The following SGMS1 variants were observed in gnomAD, a reference collection of about 807,000 sequenced individuals.
SGMS1 encodes the protein phosphatidylcholine:ceramide cholinephosphotransferase 1.
Under a neutral mutation model 46.2 loss-of-function variants are expected in SGMS1, and 13 were observed. The ratio of observed to expected loss-of-function variants is 0.28; its 90% CI spans 0.18 to 0.45. SGMS1 has a LOEUF of 0.45. SGMS1 is among the 20% of genes least tolerant of loss of function. SGMS1 has a pLI of 1.00. For missense variants in SGMS1, 324 were observed against 519.9 expected, an observed-to-expected ratio of 0.62 and a Z score of 3.66; for synonymous variants, 203 against 187.8, an observed-to-expected ratio of 1.08 and a Z score of -0.66.
At chr10:50,532,129 A>G (rs979092768) in intron 2 of SGMS1, among the ~76,000 whole-genome samples, 3 of 151,936 alleles carry the variant, frequency 2.0e-5, no homozygotes, top group African/African-American at 4.8e-5. Flanking sequence ...CCATGTCTGC[A>G]TGGGTTTTCT....
chr10:50,516,951 T>C (rs1271897506), intron 3 of SGMS1, among the ~76,000 whole-genome samples: 1 of 152,126 alleles, frequency 6.6e-6, no homozygotes, highest in Non-Finnish European at 1.5e-5. Context: ...AAAAAGAAAG[T>C]TGGAGTTGCC....
chr10:50,338,373 T>G (rs1400200547), intron 7 of SGMS1, among the ~76,000 whole-genome samples: 2 of 152,212 alleles, frequency 1.3e-5, no homozygotes, highest in Non-Finnish European at 2.9e-5. Flanking sequence ...TGCTATTCCT[T>G]TTAGGCAAAT....
intron 2 of SGMS1, among the ~76,000 whole-genome samples, chr10:50,554,009 C>G (rs1838170398): frequency 6.6e-6 from 1 of 152,156 alleles, no homozygotes; most frequent in African/African-American, 2.4e-5. Flanking sequence ...GCATGTCACC[C>G]AACTCACTCT....
chr10:50,494,754 A>C (rs1196749643), intron 3 of SGMS1, among the ~76,000 whole-genome samples: 1 of 152,064 alleles, frequency 6.6e-6, no homozygotes, highest in East Asian at 1.9e-4. Context: ...ATTAAGAAAA[A>C]GGCCGGGCGC....
At chr10:50,569,382 C>T (rs896997531) in intron 2 of SGMS1, among the ~76,000 whole-genome samples, 3 of 151,180 alleles carry the variant, frequency 2.0e-5, no homozygotes, top group East Asian at 1.9e-4. Flanking sequence ...AATGGAGGAA[C>T]CTGACATAGC....
At chr10:50,494,899 A>G (rs1837598353) in intron 3 of SGMS1, among the ~76,000 whole-genome samples, 1 of 151,656 alleles carries the variant, frequency 6.6e-6, no homozygotes, top group African/African-American at 2.4e-5. Context: ...AGCCGGGCAT[A>G]GTGGCGGGCA....
chr10:50,388,724 C>G (rs1848721565), intron 6 of SGMS1, among the ~76,000 whole-genome samples: 1 of 152,088 alleles, frequency 6.6e-6, no homozygotes, highest in Admixed American at 6.6e-5. Flanking sequence ...TATATTTTAA[C>G]ATAATTGGAA....
intron 2 of SGMS1, among the ~76,000 whole-genome samples, chr10:50,567,860 G>A (rs547519889): frequency 6.6e-6 from 1 of 152,140 alleles, no homozygotes; most frequent in South Asian, 2.1e-4. Flanking sequence ...ACAATCCTTG[G>A]ATTTCAGACT....
intron 5 of SGMS1, among the ~76,000 whole-genome samples, chr10:50,438,044 A>G (rs552896147): frequency 1.3e-5 from 2 of 152,362 alleles, no homozygotes; most frequent in South Asian, 2.1e-4. Flanking sequence ...AGAAGGAAGG[A>G]AAAAAGCAGA....
At chr10:50,416,594 C>A (rs1024999657) in intron 6 of SGMS1, among the ~76,000 whole-genome samples, 1 of 152,120 alleles carries the variant, frequency 6.6e-6, no homozygotes, top group African/African-American at 2.4e-5. Flanking sequence ...GACTTGAGAA[C>A]CGTGGGCTTA....
intron 3 of SGMS1, among the ~76,000 whole-genome samples, chr10:50,502,068 T>C (rs1837666158): frequency 6.6e-6 from 1 of 152,008 alleles, no homozygotes; most frequent in African/African-American, 2.4e-5. Flanking sequence ...TTTAGAAATA[T>C]GTGGGGTTGG....
At chr10:50,453,566 A>T (rs1473173886) in intron 5 of SGMS1, among the ~76,000 whole-genome samples, 1 of 151,552 alleles carries the variant, frequency 6.6e-6, no homozygotes, top group Non-Finnish European at 1.5e-5. Context: ...AAAGAAGATG[A>T]TATCAAAAAT....
chr10:50,622,202 A>G (rs960290422), intron 1 of SGMS1, among the ~76,000 whole-genome samples: 1 of 152,214 alleles, frequency 6.6e-6, no homozygotes, highest in Admixed American at 6.5e-5. Flanking sequence ...CACTGACCAG[A>G]CAGGCACCCA....
At position 50,338,372 on chromosome 10, in the gene SGMS1, T is replaced by G. The variant is rs145955457; in HGVS notation, c.623+5120A>C. Among the ~76,000 whole-genome samples, 975 of 152,328 alleles carry G rather than the reference T, an allele frequency of 6.4e-3. 4 individuals are homozygous for G. The highest frequency in any genetic ancestry group is 0.022 in the African/African-American group (895 of 41,562). ...TTATACAACTGTCTTATGCTATTCC[T>G]TTTAGGCAAATGTCTGACCCAAAAG... On this transcript the variant is annotated intron_variant, in intron 7 of 10. Transcript: ENST00000361781.
chr10:50,547,891 T>C (rs1838115191), intron 2 of SGMS1, among the ~76,000 whole-genome samples: 1 of 152,152 alleles, frequency 6.6e-6, no homozygotes, highest in Non-Finnish European at 1.5e-5. Flanking sequence ...GTTCAACATA[T>C]GCAAATCAAT....
chr10:50,323,706 T>C (rs1424895478), intron 8 of SGMS1, among the ~76,000 whole-genome samples: 1 of 152,214 alleles, frequency 6.6e-6, no homozygotes, highest in Non-Finnish European at 1.5e-5. Context: ...CTCTATACCA[T>C]GTCATTATAC....
chr10:50,390,111 T>A (rs1280457499), intron 6 of SGMS1, among the ~76,000 whole-genome samples: 1 of 152,232 alleles, frequency 6.6e-6, no homozygotes, highest in African/African-American at 2.4e-5. Flanking sequence ...TATAAATAAT[T>A]CATTGAATAA....
At chr10:50,369,906 G>A (rs1251652172) in intron 6 of SGMS1, among the ~76,000 whole-genome samples, 2 of 152,206 alleles carry the variant, frequency 1.3e-5, no homozygotes, top group Non-Finnish European at 1.5e-5. Flanking sequence ...TACCTAGGCT[G>A]TATGGTATAG....
At chr10:50,316,585 T>G (rs1258513416) in intron 8 of SGMS1, among the ~76,000 whole-genome samples, 3 of 152,182 alleles carry the variant, frequency 2.0e-5, no homozygotes, top group African/African-American at 7.2e-5. Flanking sequence ...CCAACTACCA[T>G]GAACAGCCAG....
Sources: allele counts gnomAD v4.1 joint callset (sites outside exome capture counted in the v4.1 genomes callset), GRCh38; gene constraint gnomAD v4.1.1; transcripts MANE v1.5; gene names NCBI Gene and HGNC (gene_info 2026-07-23, HGNC 2026-07-21).